CWF19L2: variants seen among roughly 807,000 people sequenced by gnomAD.
CWF19L2 encodes the protein CWF19-like protein 2.
A neutral mutation model predicts 111.7 loss-of-function variants in CWF19L2; 98 were observed. The ratio of observed to expected loss-of-function variants is 0.88; its 90% CI spans 0.75 to 1.04. The LOEUF is 1.04. Among genes scored for constraint, CWF19L2 ranks in the 50% least tolerant of loss-of-function variants. CWF19L2 has a pLI of 0.00. For synonymous variants in CWF19L2, 351 were observed against 342.9 expected (o/e 1.02, Z -0.26); for missense variants, 1,101 against 1,051.4 (o/e 1.05, Z -0.65).
intron 12 of CWF19L2, among the ~76,000 whole-genome samples, chr11:107,365,178 A>G (rs892840444): frequency 1.0e-4 from 15 of 149,164 alleles, no homozygotes; most frequent in African/African-American, 3.5e-4. Context: ...TGTGGCAACA[A>G]TCAATAGCTT....
At chr11:107,402,214 A>T (rs540623254) in intron 10 of CWF19L2, among the ~76,000 whole-genome samples, 5 of 152,306 alleles carry the variant, frequency 3.3e-5, no homozygotes, top group Admixed American at 1.3e-4. Context: ...AATGCAATAA[A>T]AACAAAGAAA....
At chr11:107,344,382 C>A (rs1489002561) in intron 14 of CWF19L2, among the ~76,000 whole-genome samples, 1 of 152,184 alleles carries the variant, frequency 6.6e-6, no homozygotes, top group Admixed American at 6.5e-5. Context: ...TAAAGAACTT[C>A]CTTTAACTAT....
intron 12 of CWF19L2, among the ~76,000 whole-genome samples, chr11:107,381,029 C>A (rs977188828): frequency 6.6e-6 from 1 of 152,010 alleles, no homozygotes; most frequent in Non-Finnish European, 1.5e-5. Context: ...TTCACAGAGA[C>A]AGAAAGAGGT....
chr11:107,389,944 C>T, intron 12 of CWF19L2, 130 bp downstream of exon 12: 1 of 767,312 alleles, frequency 1.3e-6, no homozygotes, highest in Non-Finnish European at 2.0e-6. Context: ...TCTAATAAGT[C>T]TTACAAAGGA....
chr11:107,327,174 G>A, intron 17 of CWF19L2, 121 bp from the exon 18 acceptor site: 1 of 992,966 alleles, frequency 1.0e-6, no homozygotes, highest in Middle Eastern at 2.6e-4. Context: ...CAATGTTCAA[G>A]CATAAATACT....
intron 16 of CWF19L2, among the ~76,000 whole-genome samples, chr11:107,333,319 T>C (rs111915370): frequency 2.6e-5 from 4 of 152,302 alleles, no homozygotes; most frequent in African/African-American, 9.6e-5. Context: ...GGCTACTTAA[T>C]TCAGGTACTC....
In CWF19L2 at chr11:107,429,370, T is replaced by C. The variant is rs1335225410; in HGVS notation, c.862A>G (p.Arg288Gly). 5 of 1,595,660 alleles carry C rather than the reference T, an allele frequency of 3.1e-6. No individual in the cohort carries two copies. The highest frequency in any genetic ancestry group is 1.3e-5 in the African/African-American group (1 of 74,762). Residue 288 changes from arginine to glycine, a missense_variant, in exon 8 of 18, where the codon AGG becomes GGG. By Grantham distance (125) the Arg-to-Gly change is moderately radical (BLOSUM62 -2). Coordinates refer to ENST00000282251, the MANE Select transcript of CWF19L2 (RefSeq NM_152434.3). ...TKEDYRRERW[R>G]KPTYSDKAQN... ...GCTTTATCTGAATATGTGGGTTTCC[T>C]CCACCGTTCCCGTCTATAATCTTCT...
intron 9 of CWF19L2, among the ~76,000 whole-genome samples, chr11:107,417,375 G>A (rs1861242097): frequency 6.6e-6 from 1 of 152,172 alleles, no homozygotes; most frequent in Admixed American, 6.5e-5. Context: ...TTACAATTCT[G>A]AGGTAAATTA....
intron 12 of CWF19L2, among the ~76,000 whole-genome samples, chr11:107,361,684 C>A (rs916155701): frequency 6.6e-6 from 1 of 152,160 alleles, no homozygotes; most frequent in African/African-American, 2.4e-5. Context: ...CTGTAGAGAT[C>A]TTTCACCTCC....
At chr11:107,365,204 T>C (rs1453641203) in intron 12 of CWF19L2, among the ~76,000 whole-genome samples, 1 of 148,340 alleles carries the variant, frequency 6.7e-6, no homozygotes, top group Admixed American at 6.7e-5. Context: ...TGAAAAAGAG[T>C]CCAGGACCAG....
intron 12 of CWF19L2, among the ~76,000 whole-genome samples, chr11:107,385,675 G>A (rs1243325916): frequency 6.6e-6 from 1 of 152,182 alleles, no homozygotes; most frequent in African/African-American, 2.4e-5. Context: ...ATATTACATG[G>A]AAAATTTCAG....
intron 12 of CWF19L2, among the ~76,000 whole-genome samples, chr11:107,354,428 T>C (rs997901195): frequency 6.6e-6 from 1 of 152,190 alleles, no homozygotes; most frequent in Non-Finnish European, 1.5e-5. Context: ...TCTCTATGCC[T>C]TATTTCCTCA....
chr11:107,445,096 C>CGGT (rs1861682761), intron 3 of CWF19L2, among the ~76,000 whole-genome samples: 1 of 152,154 alleles, frequency 6.6e-6, no homozygotes, highest in Non-Finnish European at 1.5e-5. Flanking sequence ...AACTAGAACT[C>CGGT]AGGGTAGGGG....
intron 12 of CWF19L2, among the ~76,000 whole-genome samples, chr11:107,386,250 G>A (rs1860764853): frequency 6.6e-6 from 1 of 152,058 alleles, no homozygotes; most frequent in Admixed American, 6.6e-5. Flanking sequence ...CTGGCCTCAA[G>A]TAATCCTCCC....
At chr11:107,394,128 G>C (rs1353716748) in intron 10 of CWF19L2, among the ~76,000 whole-genome samples, 2 of 152,022 alleles carry the variant, frequency 1.3e-5, no homozygotes, top group Admixed American at 1.3e-4. Context: ...TTCTCAATTG[G>C]AATCAACTAT....
At chr11:107,457,520 C>T (rs1861872199) in intron 1 of CWF19L2, among the ~76,000 whole-genome samples, 192 bp downstream of exon 1, 1 of 152,162 alleles carries the variant, frequency 6.6e-6, no homozygotes. Context: ...GAATTAGCAA[C>T]TGGCACCTGC....
At chr11:107,385,027 C>T (rs1348799448) in intron 12 of CWF19L2, among the ~76,000 whole-genome samples, 1 of 152,118 alleles carries the variant, frequency 6.6e-6, no homozygotes, top group East Asian at 1.9e-4. Context: ...AGTTCATAAA[C>T]TTTTAAGAGT....
intron 10 of CWF19L2, among the ~76,000 whole-genome samples, chr11:107,402,069 A>T (rs1015155144): frequency 2.0e-5 from 3 of 152,222 alleles, no homozygotes; most frequent in African/African-American, 7.2e-5. Flanking sequence ...CTCACTTTAT[A>T]CAAAAATCAA....
At chr11:107,446,389 T>C (rs183721643) in intron 3 of CWF19L2, among the ~76,000 whole-genome samples, 3 of 152,354 alleles carry the variant, frequency 2.0e-5, no homozygotes, top group Admixed American at 1.3e-4. Context: ...ATGCATGAAA[T>C]GCCAAGCACA....
Sources: gnomAD v4.1 joint callset for allele counts (sites outside exome capture counted in the v4.1 genomes callset) on GRCh38, gnomAD v4.1.1 for gene constraint, MANE v1.5 for transcripts, NCBI Gene and HGNC (gene_info 2026-07-23, HGNC 2026-07-21) for gene names.